The following MAGI3 variants were observed in gnomAD, a reference collection of about 807,000 sequenced individuals.
The protein encoded by MAGI3 is membrane associated guanylate kinase, WW and PDZ domain containing 3, also known as membrane-associated guanylate kinase, WW and PDZ domain-containing protein 3.
In MAGI3, 43 loss-of-function variants were observed where a neutral mutation model predicts 121.8. The observed-to-expected ratio is 0.35, with a 90% CI of 0.28 to 0.46. MAGI3 has a LOEUF of 0.46. Ranked by LOEUF, MAGI3 falls within the 20% of genes least tolerant of loss-of-function variation. MAGI3 has a pLI of 1.00. For missense variants in MAGI3, 1,547 were observed against 1,797.3 expected (o/e 0.86, Z 2.52); for synonymous variants, 553 against 639.3 (o/e 0.86, Z 2.04).
chr1:113,566,330 C>A (rs1041288302), intron 2 of MAGI3, among the ~76,000 whole-genome samples: 5 of 152,018 alleles, frequency 3.3e-5, no homozygotes, highest in African/African-American at 4.8e-5. Context: ...TGGAAACAAC[C>A]CAAATTTCCA....
In MAGI3 at chr1:113,659,280, G is replaced by A. The variant is rs1330727851; in HGVS notation, c.2815+15G>A. The A allele has an allele frequency of 6.2e-7, 1 of 1,611,570 alleles. No individual in the cohort carries two copies. The highest frequency in any genetic ancestry group is 1.3e-5 in the African/African-American group (1 of 74,840). Reference sequence around the variant, plus strand: ...TGCTGAAGAAGGTAAGGAGCCAGTAGACGCGCCTGCCCCAAGCTGATCTGA... The same window carrying A: ...TGCTGAAGAAGGTAAGGAGCCAGTAAACGCGCCTGCCCCAAGCTGATCTGA... On this transcript the variant is annotated intron_variant, in intron 16 of 20. Coordinates refer to ENST00000307546, the MANE Select transcript of MAGI3 (RefSeq NM_001142782.2).
At chr1:113,594,679 G>C (rs1487769717) in intron 6 of MAGI3, 119 bp downstream of exon 6, 2 of 610,126 alleles carry the variant, frequency 3.3e-6, no homozygotes, top group Non-Finnish European at 2.7e-6. Flanking sequence ...AAGCAAAAAA[G>C]CAGTGGGTGG....
chr1:113,680,630 G>T (rs535483444), intron 19 of MAGI3, among the ~76,000 whole-genome samples: 9 of 152,156 alleles, frequency 5.9e-5, no homozygotes, highest in African/African-American at 1.9e-4. Flanking sequence ...GGTGGCGGGC[G>T]CCTGTAGTCC....
intron 1 of MAGI3, among the ~76,000 whole-genome samples, chr1:113,457,576 G>A (rs1346912669): frequency 1.3e-5 from 2 of 151,946 alleles, no homozygotes; most frequent in African/African-American, 2.4e-5. Context: ...TTAAATGACC[G>A]ATATTTGAGT....
chr1:113,651,339 C>A (rs189378217), intron 14 of MAGI3, 133 bp downstream of exon 14: 12 of 758,716 alleles, frequency 1.6e-5, no homozygotes, highest in Middle Eastern at 5.8e-4. Flanking sequence ...TGATCCAGGG[C>A]CTCACTGTGG....
At chr1:113,444,806 G>A (rs537037735) in intron 1 of MAGI3, among the ~76,000 whole-genome samples, 11 of 152,214 alleles carry the variant, frequency 7.2e-5, no homozygotes, top group Non-Finnish European at 1.5e-4. Context: ...CAAAGACTTT[G>A]AACAACTGTC....
intron 1 of MAGI3, among the ~76,000 whole-genome samples, chr1:113,533,706 A>G (rs1446133929): frequency 6.6e-6 from 1 of 152,130 alleles, no homozygotes; most frequent in Non-Finnish European, 1.5e-5. Context: ...CGGAATACAG[A>G]TAACACACCG....
At chr1:113,566,968 TA>T (rs200368465) in intron 2 of MAGI3, among the ~76,000 whole-genome samples, 7 of 138,316 alleles carry the variant, frequency 5.1e-5, no homozygotes, top group South Asian at 2.3e-4. Flanking sequence ...TAGAAAACAT[TA>T]AAAAAAAAGA....
At chr1:113,583,493 T>G (rs1186994447) in intron 3 of MAGI3, among the ~76,000 whole-genome samples, 2 of 152,130 alleles carry the variant, frequency 1.3e-5, no homozygotes, top group East Asian at 3.9e-4. Flanking sequence ...TAGATAATAA[T>G]TACCAAGAAT....
chr1:113,484,135 G>T (rs1656239572), intron 1 of MAGI3, among the ~76,000 whole-genome samples: 1 of 152,066 alleles, frequency 6.6e-6, no homozygotes, highest in Non-Finnish European at 1.5e-5. Context: ...TGAAAAATCT[G>T]GAGTTTTAAA....
rs924087225 is a variant in MAGI3 at position 113,663,001 on chromosome 1, G to A, written c.2815+3736G>A. The stretch of plus-strand genomic sequence containing the variant: ...AGCACTTTGGGAGGCCAAGGCAGGC[G>A]GATCAACTGAGGTCGGGAGTTCAAG... On this transcript the variant is annotated intron_variant, in intron 16 of 20. Coordinates refer to ENST00000307546, the MANE Select transcript of MAGI3 (RefSeq NM_001142782.2). 7.9e-5 allele frequency among the ~76,000 whole-genome samples: 12 copies of A among 152,220 alleles called. 1 individual carries two copies. In the South Asian group the frequency reaches 1.2e-3, roughly 16 times the overall value.
Position 113,659,254 on chromosome 1 carries a change from T to C in MAGI3, c.2804T>C (p.Ile935Thr), listed in dbSNP as rs1653652028. ...DAGVTVTLTV[I>T]AEEEHHGPPS... The stretch of plus-strand genomic sequence containing the variant: ...GGTGTCACCGTCACACTAACGGTCA[T>C]TGCTGAAGAAGGTAAGGAGCCAGTA... Residue 935 changes from isoleucine (I) to threonine (T), a missense_variant, in exon 16 of 21, where the codon ATT becomes ACT. Ile to Thr is a moderately conservative substitution (Grantham distance 89). Coordinates refer to ENST00000307546, the MANE Select transcript of MAGI3 (RefSeq NM_001142782.2). 2 of 1,613,430 alleles carry C rather than the reference T, an allele frequency of 1.2e-6. No homozygotes were observed. Among genetic ancestry groups the C allele is most frequent in the Admixed American group, 1.7e-5 (1 of 59,854 alleles).
At chr1:113,478,643 T>A (rs1655967101) in intron 1 of MAGI3, among the ~76,000 whole-genome samples, 1 of 152,114 alleles carries the variant, frequency 6.6e-6, no homozygotes, top group South Asian at 2.1e-4. Flanking sequence ...GTCAGCTGTC[T>A]ATATGAGGTG....
chr1:113,619,209 A>G (rs1423090362), intron 7 of MAGI3, among the ~76,000 whole-genome samples: 1 of 152,218 alleles, frequency 6.6e-6, no homozygotes, highest in African/African-American at 2.4e-5. Flanking sequence ...TGAAAGAGTT[A>G]TTCTATACTA....
At position 113,453,934 on chromosome 1, in the gene MAGI3, T is replaced by A. The variant is rs563703454; in HGVS notation, c.316+62585T>A. Among the ~76,000 whole-genome samples the A allele has an allele frequency of 2.4e-3, 361 of 152,372 alleles. 1 individual carries two copies. The highest frequency in any genetic ancestry group is 4.2e-3 in the Non-Finnish European group (288 of 68,036). ...TGTGGGAAGTATTAGCATGCCACTT[T>A]ATGTCCATAATATAGCAAGTAGATA... On this transcript the variant is annotated intron_variant, in intron 1 of 20. Transcript: ENST00000307546.
intron 15 of MAGI3, among the ~76,000 whole-genome samples, chr1:113,655,050 C>T (rs2100990004): frequency 6.6e-6 from 1 of 152,344 alleles, no homozygotes; most frequent in East Asian, 1.9e-4. Flanking sequence ...TCACTGCTCA[C>T]TGATGCTAGT....
chr1:113,416,366 T>A (rs572724383), intron 1 of MAGI3, among the ~76,000 whole-genome samples: 10 of 122,988 alleles, frequency 8.1e-5, no homozygotes, highest in Non-Finnish European at 1.6e-4. Flanking sequence ...TAATTTATAT[T>A]ATATTAATAT....
At chr1:113,484,727 C>CTTCCCTTCCCTTCCCTTCCCTTCCT (rs1656291045) in intron 1 of MAGI3, among the ~76,000 whole-genome samples, 2 of 118,354 alleles carry the variant, frequency 1.7e-5, no homozygotes, top group African/African-American at 6.4e-5. Context: ...CTTCCCTTCC[C>CTTCCCTTCCCTTCCCTTCCCTTCCT]TTCCCTTCCC....
chr1:113,425,368 C>T (rs1368150232), intron 1 of MAGI3, among the ~76,000 whole-genome samples: 1 of 147,590 alleles, frequency 6.8e-6, no homozygotes, highest in East Asian at 2.0e-4. Context: ...CTGCAAGCTC[C>T]GCCTCCCGGG....
Sources: allele counts gnomAD v4.1 joint callset (sites outside exome capture counted in the v4.1 genomes callset), GRCh38; gene constraint gnomAD v4.1.1; transcripts MANE v1.5; gene names NCBI Gene and HGNC (gene_info 2026-07-23, HGNC 2026-07-21).